Variants in TANC2 observed in about 807,000 individuals in gnomAD.
TANC2 encodes tetratricopeptide repeat, ankyrin repeat and coiled-coil containing 2.
A neutral mutation model predicts 210.5 loss-of-function variants in TANC2; 26 were observed. The observed-to-expected ratio is 0.12, with a 90% CI of 0.09 to 0.17. The LOEUF is 0.17. TANC2 is among the 10% of genes least tolerant of loss of function. TANC2 has a pLI of 1.00. For synonymous variants in TANC2, 931 were observed against 967.1 expected (o/e 0.96, Z 0.69); for missense variants, 2,129 against 2,608.9 (o/e 0.82, Z 4.01).
intron 12 of TANC2, among the ~76,000 whole-genome samples, chr17:63,342,906 A>G (rs571849893): frequency 2.6e-5 from 4 of 152,272 alleles, no homozygotes; most frequent in South Asian, 2.1e-4. Flanking sequence ...AGTGATCTCT[A>G]TTATAAATAC....
At chr17:63,224,258 T>TTC (rs1020570534) in intron 7 of TANC2, among the ~76,000 whole-genome samples, 2 of 151,098 alleles carry the variant, frequency 1.3e-5, no homozygotes, top group East Asian at 1.9e-4. Context: ...TGATTTTTTT[T>TTC]TTTTTTTTTT....
chr17:63,092,313 T>C (rs2037227902), intron 3 of TANC2, among the ~76,000 whole-genome samples: 1 of 152,126 alleles, frequency 6.6e-6, no homozygotes, highest in African/African-American at 2.4e-5. Context: ...AACTTATATA[T>C]ACCAGTTGAT....
intron 2 of TANC2, among the ~76,000 whole-genome samples, chr17:63,029,231 T>C (rs61694850): frequency 0.052 from 7,883 of 152,134 alleles, 316 homozygotes; most frequent in African/African-American, 0.11. Flanking sequence ...TTCCTTTTTG[T>C]TCACTAAAGA....
intron 9 of TANC2, among the ~76,000 whole-genome samples, chr17:63,295,810 A>C (rs1264046629): frequency 6.6e-6 from 1 of 152,208 alleles, no homozygotes; most frequent in Non-Finnish European, 1.5e-5. Flanking sequence ...ATGGCCTTAC[A>C]TCCCTATAAG....
chr17:63,039,806 C>G (rs948344902), intron 2 of TANC2, among the ~76,000 whole-genome samples: 1 of 151,648 alleles, frequency 6.6e-6, no homozygotes, highest in Admixed American at 6.6e-5. Context: ...ATCTTCATGC[C>G]CTCTATATAA....
At chr17:62,997,700 T>C (rs241072) in intron 1 of TANC2, among the ~76,000 whole-genome samples, 90,996 of 151,998 alleles carry the variant, frequency 0.6, 29,880 homozygotes, top group African/African-American at 0.87. Flanking sequence ...ATTTTCTTAC[T>C]ATTTAAAATA....
chr17:62,979,826 G>A (rs1198652446), intron 1 of TANC2, among the ~76,000 whole-genome samples: 1 of 152,190 alleles, frequency 6.6e-6, no homozygotes, highest in East Asian at 1.9e-4. Context: ...CAGGAGGATA[G>A]CTTGAGCCTG....
chr17:62,991,146 T>C (rs2032840045), intron 1 of TANC2, among the ~76,000 whole-genome samples: 1 of 151,790 alleles, frequency 6.6e-6, no homozygotes, highest in Non-Finnish European at 1.5e-5. Context: ...AGTTTGGGGG[T>C]TTGGTGGGAG....
At chr17:63,220,715 A>ATATATATATATATATATATAT (rs1325036062) in intron 7 of TANC2, among the ~76,000 whole-genome samples, 3 of 138,838 alleles carry the variant, frequency 2.2e-5, no homozygotes, top group Non-Finnish European at 4.6e-5. Flanking sequence ...AAAAAAAAAA[A>ATATATATATATATATATATAT]AAAAATATAT....
At chr17:63,274,925 A>G (rs775977223) in intron 9 of TANC2, among the ~76,000 whole-genome samples, 7 of 152,180 alleles carry the variant, frequency 4.6e-5, no homozygotes, top group South Asian at 2.1e-4. Context: ...GATCATCTTA[A>G]TGAAAGCTCT....
intron 8 of TANC2, among the ~76,000 whole-genome samples, chr17:63,247,742 G>C (rs1040736348): frequency 2.0e-5 from 3 of 152,096 alleles, no homozygotes; most frequent in Admixed American, 1.3e-4. Context: ...TGGAGAACAA[G>C]ATTATATGCT....
chr17:63,253,713 C>T (rs1372710538), intron 8 of TANC2, among the ~76,000 whole-genome samples: 6 of 152,108 alleles, frequency 3.9e-5, no homozygotes, highest in Admixed American at 3.9e-4. Context: ...CCCTGGACCT[C>T]AACTTCAAGT....
intron 8 of TANC2, among the ~76,000 whole-genome samples, chr17:63,261,790 A>G (rs932198319): frequency 2.6e-5 from 4 of 152,210 alleles, no homozygotes; most frequent in African/African-American, 9.6e-5. Flanking sequence ...CAAACTATAC[A>G]TGTTTGAAAC....
chr17:63,035,293 T>A (rs1217691074), intron 2 of TANC2, among the ~76,000 whole-genome samples: 1 of 152,258 alleles, frequency 6.6e-6, no homozygotes, highest in Non-Finnish European at 1.5e-5. Flanking sequence ...GATATAATGC[T>A]ATTACAAACA....
At chr17:63,097,273 A>G (rs2144872210) in intron 3 of TANC2, among the ~76,000 whole-genome samples, 1 of 152,104 alleles carries the variant, frequency 6.6e-6, no homozygotes, top group East Asian at 1.9e-4. Flanking sequence ...TCTCAAACTT[A>G]TGGGCTCAAG....
intron 12 of TANC2, among the ~76,000 whole-genome samples, chr17:63,344,604 A>T (rs2046341191): frequency 6.6e-6 from 1 of 152,214 alleles, no homozygotes; most frequent in Admixed American, 6.5e-5. Flanking sequence ...AACTCTAAGG[A>T]ATCTACCCAG....
exon 12 of TANC2, chr17:63,340,236 C>A (rs189418855): frequency 1.2e-6 from 2 of 1,613,974 alleles, no homozygotes; most frequent in Non-Finnish European, 1.7e-6. Flanking sequence ...TCGGGAACCT[C>A]ACCTGCAGAG....
intron 3 of TANC2, among the ~76,000 whole-genome samples, chr17:63,098,771 G>A (rs2037509168): frequency 6.6e-6 from 1 of 151,680 alleles, no homozygotes; most frequent in Non-Finnish European, 1.5e-5. Context: ...TTGGAGGAGG[G>A]GAGAAAGAAA....
At chr17:63,210,652 C>T (rs2041858411) in intron 7 of TANC2, among the ~76,000 whole-genome samples, 1 of 152,020 alleles carries the variant, frequency 6.6e-6, no homozygotes, top group Non-Finnish European at 1.5e-5. Context: ...TAACATAGAG[C>T]AACACAATGT....
Sources: gnomAD v4.1 joint callset for allele counts (sites outside exome capture counted in the v4.1 genomes callset) on GRCh38, gnomAD v4.1.1 for gene constraint, MANE v1.5 for transcripts, NCBI Gene and HGNC (gene_info 2026-07-23, HGNC 2026-07-21) for gene names.